The following WRN variants were observed in gnomAD, a reference collection of about 807,000 sequenced individuals.
WRN encodes WRN RecQ like helicase, also known as bifunctional 3'-5' exonuclease/ATP-dependent helicase WRN.
WRN carries 149 observed loss-of-function variants against 180.7 expected under a neutral mutation model. The ratio of observed to expected loss-of-function variants is 0.82; its 90% CI spans 0.72 to 0.94. The LOEUF is 0.94. WRN is among the 40% of genes least tolerant of loss of function. WRN has a pLI of 0.00. For synonymous variants in WRN, 548 were observed against 568.9 expected, an observed-to-expected ratio of 0.96 and a Z score of 0.52; for missense variants, 1,661 against 1,700.1, an observed-to-expected ratio of 0.98 and a Z score of 0.40.
rs953256320 is a variant in WRN at position 31,132,522 on chromosome 8, T to C, written c.2967+16T>C. Reference sequence around the variant, plus strand: ...CCGAGGATCTGTAAGTATATATCTGTGAATTCCCTTCATAGATCTTCTTTT... The same window carrying C: ...CCGAGGATCTGTAAGTATATATCTGCGAATTCCCTTCATAGATCTTCTTTT... On this transcript the variant is annotated intron_variant, in intron 24 of 34. Coordinates refer to ENST00000298139, the MANE Select transcript of WRN (RefSeq NM_000553.6). 5 of 1,613,976 alleles carry C rather than the reference T, an allele frequency of 3.1e-6. No individual in the cohort carries two copies. Among genetic ancestry groups the C allele is most frequent in the African/African-American group, 1.3e-5 (1 of 74,940 alleles).
chr8:31,093,835 T>A (rs1281524764), intron 16 of WRN, among the ~76,000 whole-genome samples: 1 of 152,234 alleles, frequency 6.6e-6, no homozygotes, highest in Non-Finnish European at 1.5e-5. Flanking sequence ...TAAACTTATA[T>A]ACATGGAGTC....
chr8:31,123,479 G>A (rs1801803836), intron 21 of WRN, among the ~76,000 whole-genome samples: 1 of 152,022 alleles, frequency 6.6e-6, no homozygotes, highest in Non-Finnish European at 1.5e-5. Flanking sequence ...AAGAGACTTT[G>A]GGGATAATTA....
At chr8:31,119,648 G>A (rs1801644875) in intron 20 of WRN, among the ~76,000 whole-genome samples, 1 of 151,542 alleles carries the variant, frequency 6.6e-6, no homozygotes, top group South Asian at 2.1e-4. Context: ...GTATATTATG[G>A]CTATTTTTCT....
At position 31,087,800 on chromosome 8, in the gene WRN, A is replaced by G. The variant is rs1277450263; in HGVS notation, c.1456A>G (p.Thr486Ala). 1 of 1,613,580 alleles carries G rather than the reference A, an allele frequency of 6.2e-7. No individual in the cohort carries two copies. The highest frequency in any genetic ancestry group is 8.5e-7 in the Non-Finnish European group (1 of 1,179,772). Residue 486 changes from threonine to alanine, a missense_variant, in exon 12 of 35, where the codon ACG becomes GCG. By Grantham distance (58) the Thr-to-Ala change is moderately conservative. Coordinates refer to ENST00000298139, the MANE Select transcript of WRN (RefSeq NM_000553.6). ...GTCTTTAGAAAACCTCAATAGTGGCACGGTAGAACCAACTCATTCTAAATG... is the reference window on the plus strand; with the variant it reads ...GTCTTTAGAAAACCTCAATAGTGGCGCGGTAGAACCAACTCATTCTAAATG... Reference protein sequence around the residue: ...LKSLENLNSGTVEPTHSKCLK... With the variant: ...LKSLENLNSGAVEPTHSKCLK...
chr8:31,162,868 T>A (rs1432311350), intron 33 of WRN, among the ~76,000 whole-genome samples: 1 of 151,674 alleles, frequency 6.6e-6, no homozygotes. Flanking sequence ...TAGCAAATGG[T>A]GGTGGCAAAT....
intron 19 of WRN, among the ~76,000 whole-genome samples, chr8:31,113,019 A>C (rs1425352226): frequency 6.6e-6 from 1 of 152,000 alleles, no homozygotes; most frequent in Non-Finnish European, 1.5e-5. Context: ...CAGCCTGGGC[A>C]ACATGGTGAA....
Position 31,064,289 on chromosome 8 carries a change from C to T in WRN, c.210C>T (p.Ser70=). Residue 70 remains serine, a splice_region_variant and synonymous_variant, in exon 4 of 35, where the codon AGC becomes AGT. Coordinates refer to ENST00000298139, the MANE Select transcript of WRN (RefSeq NM_000553.6). ...ATTTACACTATTTTTCTCACTTTAG[C>T]ATGAGTCTATCAGATGGGGATGTGG... is the stretch of plus-strand genomic sequence containing the variant. The part of the protein sequence containing the change: ...SDCSFLSEDI[S]MSLSDGDVVG... 6.2e-7 allele frequency: 1 copy of T among 1,614,026 alleles called. No individual in the cohort carries two copies. The highest frequency in any genetic ancestry group is 2.2e-5 in the East Asian group (1 of 44,850).
At chr8:31,061,529 T>TG (rs1286896596) in intron 3 of WRN, among the ~76,000 whole-genome samples, 1 of 150,608 alleles carries the variant, frequency 6.6e-6, no homozygotes, top group African/African-American at 2.4e-5. Flanking sequence ...AGCTGTTAAT[T>TG]TTTTTTTTTT....
At chr8:31,100,020 G>T (rs571267221) in intron 17 of WRN, among the ~76,000 whole-genome samples, 1 of 152,158 alleles carries the variant, frequency 6.6e-6, no homozygotes, top group South Asian at 2.1e-4. Context: ...CCTAGTGTCC[G>T]AACATTATTA....
chr8:31,100,020 G>A (rs571267221), intron 17 of WRN, among the ~76,000 whole-genome samples: 1 of 152,040 alleles, frequency 6.6e-6, no homozygotes. Context: ...CCTAGTGTCC[G>A]AACATTATTA....
Position 31,172,982 on chromosome 8 carries a change from C to A in WRN, c.4192-13C>A, listed in dbSNP as rs763246492. The A allele has an allele frequency of 8.7e-6, 14 of 1,612,352 alleles. No homozygotes were observed. Among genetic ancestry groups the A allele is most frequent in the Non-Finnish European group, 1.0e-5 (12 of 1,178,846 alleles). On this transcript the variant is annotated splice_polypyrimidine_tract_variant and intron_variant, in intron 34 of 34. Coordinates refer to ENST00000298139, the MANE Select transcript of WRN (RefSeq NM_000553.6). ...ACAAAGATTTGATTTCTTTTTCTTT[C>A]TATTTCCTACAGACTTCATCTGCAG...
chr8:31,076,156 AT>A lies in WRN; in HGVS notation c.725-9del, dbSNP rs543830844. On this transcript the variant is annotated splice_polypyrimidine_tract_variant and intron_variant, in intron 7 of 34. Transcript: ENST00000298139. ...CTTTGTGGTTTGAAAATTAATATTG[AT>A]TTTTTTTCCCCCTAGAGGAAGAAAT... The A allele has an allele frequency of 6.9e-4, 1,093 of 1,586,546 alleles. 3 individuals carry two copies. The African/African-American group carries it at 0.01, about 15-fold the overall frequency.
At chr8:31,082,649 T>G (rs1312855488) in intron 9 of WRN, among the ~76,000 whole-genome samples, 1 of 151,840 alleles carries the variant, frequency 6.6e-6, no homozygotes, top group Non-Finnish European at 1.5e-5. Flanking sequence ...CAAGCTGGAG[T>G]GCCGTGGCGC....
chr8:31,056,540 G>T (rs550934510), intron 1 of WRN, among the ~76,000 whole-genome samples: 1 of 152,274 alleles, frequency 6.6e-6, no homozygotes, highest in African/African-American at 2.4e-5. Flanking sequence ...TCATGATTCT[G>T]TGAATATAGG....
At chr8:31,128,166 C>A (rs1489341323) in intron 23 of WRN, among the ~76,000 whole-genome samples, 2 of 151,738 alleles carry the variant, frequency 1.3e-5, no homozygotes, top group Non-Finnish European at 2.9e-5. Context: ...ACAAATCCAC[C>A]ATCAAAGTGG....
chr8:31,156,867 A>G (rs765304661), intron 32 of WRN, among the ~76,000 whole-genome samples: 26 of 152,230 alleles, frequency 1.7e-4, no homozygotes, highest in African/African-American at 6.0e-4. Context: ...CCAATTTCAA[A>G]CACCTATTAG....
intron 1 of WRN, among the ~76,000 whole-genome samples, chr8:31,044,093 G>A (rs1285570302): frequency 2.6e-5 from 4 of 151,810 alleles, no homozygotes; most frequent in African/African-American, 9.7e-5. Flanking sequence ...CCAGGCTGGA[G>A]TGCAGTGGCA....
In WRN at chr8:31,155,622, C is replaced by CAAAAA. The variant is rs748568497; in HGVS notation, c.3819+881_3819+885dup. ...GGGCGACCGAGCAAGACTCGGTCTC[C>CAAAAA]AAAAAAAAAAAAAAAAAAGACCATA... On this transcript the variant is annotated intron_variant, in intron 32 of 34. Coordinates refer to ENST00000298139, the MANE Select transcript of WRN (RefSeq NM_000553.6). 1.4e-4 allele frequency among the ~76,000 whole-genome samples: 14 copies of CAAAAA among 98,326 alleles called. No homozygotes were observed. In the South Asian group the frequency reaches 1.7e-3, roughly 12 times the overall value. 64.5% of individuals were successfully genotyped at this position (98,326 alleles called of 152,430 possible).
chr8:31,144,481 GC>G (rs1240078929), intron 28 of WRN, among the ~76,000 whole-genome samples: 1 of 151,762 alleles, frequency 6.6e-6, no homozygotes, highest in Non-Finnish European at 1.5e-5. Context: ...GACTACAGGC[GC>G]CCCCCGATCA....
Sources: allele counts gnomAD v4.1 joint callset (sites outside exome capture counted in the v4.1 genomes callset), GRCh38; gene constraint gnomAD v4.1.1; transcripts MANE v1.5; gene names NCBI Gene and HGNC (gene_info 2026-07-23, HGNC 2026-07-21).